Variants in LPP observed in about 807,000 individuals in gnomAD.
LPP encodes the protein lipoma-preferred partner.
LPP carries 38 observed loss-of-function variants against 60.4 expected under a neutral mutation model. The observed-to-expected ratio is 0.63, with a 90% CI of 0.49 to 0.83. The LOEUF (loss-of-function observed/expected upper bound fraction) is 0.83. Among genes scored for constraint, LPP ranks in the 40% least tolerant of loss-of-function variants. The probability of loss-of-function intolerance (pLI) is 0.00; values close to 1 mark genes in which losing one functional copy is unlikely to be tolerated. For synonymous variants in LPP, 328 were observed against 290.8 expected (o/e 1.13, Z -1.30); for missense variants, 902 against 783.6 (o/e 1.15, Z -1.80).
chr3:188,172,653 A>G (rs1407897363), intron 1 of LPP, among the ~76,000 whole-genome samples: 1 of 152,178 alleles, frequency 6.6e-6, no homozygotes, highest in East Asian at 1.9e-4. Context: ...ATTTTCATAT[A>G]CTACTCACCC....
rs372528667 is a variant in LPP at position 188,712,526 on chromosome 3, G to C, written c.1240+4133G>C. On this transcript the variant is annotated intron_variant, in intron 8 of 11. Coordinates refer to ENST00000617246, the MANE Select transcript of LPP (RefSeq NM_001375462.1). Reference sequence around the variant, plus strand: ...CAGTGTGTTTGCATCAGCAGGGCCTGACCCAAGAGCGATAAAGTCTTCTCT... The same window carrying C: ...CAGTGTGTTTGCATCAGCAGGGCCTCACCCAAGAGCGATAAAGTCTTCTCT... 9.2e-5 allele frequency: 14 copies of C among 152,408 alleles called. 1 individual carries two copies. Among genetic ancestry groups the C allele is most frequent in the East Asian group, 3.9e-4 (2 of 5,186 alleles). The allele number at this position is 152,408 out of a possible 1,614,324, so 9.4% of individuals were successfully genotyped here.
At chr3:188,155,468 T>G (rs1450349345) in intron 1 of LPP, among the ~76,000 whole-genome samples, 7 of 152,202 alleles carry the variant, frequency 4.6e-5, no homozygotes, top group South Asian at 2.1e-4. Flanking sequence ...TAAGAAAGCC[T>G]AAAGTGAAGA....
intron 3 of LPP, among the ~76,000 whole-genome samples, chr3:188,357,654 G>C (rs1768005812): frequency 6.6e-6 from 1 of 152,140 alleles, no homozygotes; most frequent in Admixed American, 6.5e-5. Context: ...GAAGAAATTG[G>C]TGAGATAAGG....
chr3:188,581,714 T>G (rs1580147549), intron 6 of LPP, among the ~76,000 whole-genome samples: 1 of 152,244 alleles, frequency 6.6e-6, no homozygotes, highest in African/African-American at 2.4e-5. Flanking sequence ...TTATCATTGC[T>G]TCGCTCTATT....
At chr3:188,571,996 T>A (rs1293279802) in intron 6 of LPP, among the ~76,000 whole-genome samples, 1 of 152,072 alleles carries the variant, frequency 6.6e-6, no homozygotes, top group Non-Finnish European at 1.5e-5. Flanking sequence ...TCTATGGAGA[T>A]TAGTGACTTG....
intron 5 of LPP, among the ~76,000 whole-genome samples, chr3:188,510,905 T>C (rs1815278678): frequency 6.6e-6 from 1 of 152,182 alleles, no homozygotes; most frequent in Non-Finnish European, 1.5e-5. Flanking sequence ...ATTTTGCTTT[T>C]TTCTCGAACA....
rs757099306 is a variant in LPP at position 188,879,112 on chromosome 3, A to G, written c.*4633A>G. The G allele has an allele frequency of 4.8e-5, 11 of 228,806 alleles. No individual in the cohort carries two copies. The highest frequency in any genetic ancestry group is 4.5e-4 in the Admixed American group (8 of 17,644). 14.2% of individuals were successfully genotyped at this position (228,806 alleles called of 1,614,324 possible). On this transcript the variant is annotated 3_prime_UTR_variant, in exon 12 of 12. Transcript: ENST00000617246. The stretch of plus-strand genomic sequence containing the variant: ...GTGCAACCATGAATATTTCAGGCCA[A>G]GTTATTCACTTGACAGATAACTAGA...
At chr3:188,355,169 T>G (rs1188929290) in intron 3 of LPP, among the ~76,000 whole-genome samples, 1 of 151,876 alleles carries the variant, frequency 6.6e-6, no homozygotes, top group Non-Finnish European at 1.5e-5. Context: ...CCACCACACC[T>G]GGCTAATTTT....
At chr3:188,342,604 T>A (rs1430159456) in intron 3 of LPP, among the ~76,000 whole-genome samples, 1 of 152,222 alleles carries the variant, frequency 6.6e-6, no homozygotes, top group Admixed American at 6.5e-5. Flanking sequence ...ACTATACACA[T>A]GTATTCTGCT....
rs572907132 is a variant in LPP, at chr3:188,342,705, A to G, written c.-10+986A>G. 7.9e-5 allele frequency among the ~76,000 whole-genome samples: 12 copies of G among 152,268 alleles called. No homozygotes were observed. The South Asian group carries it at 2.5e-3, about 32-fold the overall frequency. ...TGCACAGACCTTTGAGAAGAATAAA[A>G]TTGGTTGGTATTGCCCCAAATTTGT... On this transcript the variant is annotated intron_variant, in intron 3 of 11. Coordinates refer to ENST00000617246, the MANE Select transcript of LPP (RefSeq NM_001375462.1).
chr3:188,659,352 G>A (rs1262356096), intron 7 of LPP, among the ~76,000 whole-genome samples: 1 of 152,134 alleles, frequency 6.6e-6, no homozygotes, highest in Non-Finnish European at 1.5e-5. Flanking sequence ...TCTTTTATCA[G>A]AACCTCAGTT....
intron 6 of LPP, among the ~76,000 whole-genome samples, chr3:188,531,046 CAAGT>C (rs1322963521): frequency 6.6e-6 from 1 of 151,952 alleles, no homozygotes; most frequent in Non-Finnish European, 1.5e-5. Flanking sequence ...TTTTTTTCCC[CAAGT>C]AAGTTTGGTA....
chr3:188,738,274 A>AT (rs1723208801), intron 8 of LPP, among the ~76,000 whole-genome samples: 1 of 152,150 alleles, frequency 6.6e-6, no homozygotes, highest in Admixed American at 6.6e-5. Flanking sequence ...TAAACACAGT[A>AT]TTATTTATGG....
chr3:188,618,430 T>C (rs1845250253), intron 7 of LPP, among the ~76,000 whole-genome samples: 1 of 152,210 alleles, frequency 6.6e-6, no homozygotes. Context: ...CAGAGGCAAC[T>C]TCTTTAGTAT....
chr3:188,497,915 A>G (rs184366924), intron 5 of LPP, among the ~76,000 whole-genome samples: 2 of 152,288 alleles, frequency 1.3e-5, no homozygotes, highest in Non-Finnish European at 2.9e-5. Context: ...AAGTATTTTC[A>G]TAGAGTTACA....
chr3:188,865,926 A>C (rs1210100984), intron 9 of LPP, among the ~76,000 whole-genome samples: 2 of 152,202 alleles, frequency 1.3e-5, no homozygotes, highest in Admixed American at 1.3e-4. Context: ...CTACCTGAGT[A>C]ATACTAGAAA....
chr3:188,389,449 T>C (rs1263388374), intron 3 of LPP, among the ~76,000 whole-genome samples: 1 of 152,192 alleles, frequency 6.6e-6, no homozygotes, highest in Non-Finnish European at 1.5e-5. Context: ...TTGGCTGTGC[T>C]TGACCTCCTG....
At chr3:188,159,322 T>C (rs1395376761) in intron 1 of LPP, among the ~76,000 whole-genome samples, 1 of 152,164 alleles carries the variant, frequency 6.6e-6, no homozygotes, top group Non-Finnish European at 1.5e-5. Flanking sequence ...GTCAGATGGG[T>C]CATCTACATT....
At position 188,697,532 on chromosome 3, in the gene LPP, A is replaced by G. The variant is rs1233407244; in HGVS notation, c.1114-10735A>G. ...ATCAGACTGAAAATCTAGGTGCCTT[A>G]TTTTTATCAGCAACTTGTCCACACT... is the stretch of plus-strand genomic sequence containing the variant. On this transcript the variant is annotated intron_variant, in intron 7 of 11. Transcript: ENST00000617246. Among the ~76,000 whole-genome samples, 3 of 152,142 alleles carry G rather than the reference A, an allele frequency of 2.0e-5. No homozygotes were observed. The East Asian group carries it at 5.8e-4, about 29-fold the overall frequency.
Sources: allele counts gnomAD v4.1 joint callset (sites outside exome capture counted in the v4.1 genomes callset), GRCh38; gene constraint gnomAD v4.1.1; transcripts MANE v1.5; gene names NCBI Gene and HGNC (gene_info 2026-07-23, HGNC 2026-07-21).